The following FIG4 variants were observed in gnomAD, a reference collection of about 807,000 sequenced individuals.
FIG4 encodes polyphosphoinositide phosphatase.
FIG4 carries 112 observed loss-of-function variants against 118.6 expected under a neutral mutation model. That is an observed-to-expected ratio of 0.94 (90% confidence interval 0.81 to 1.11). The LOEUF (loss-of-function observed/expected upper bound fraction) is 1.11. Ranked by LOEUF, FIG4 falls within the 50% of genes least tolerant of loss-of-function variation. FIG4 has a pLI of 0.00. For missense variants in FIG4, 969 were observed against 1,111.7 expected, an observed-to-expected ratio of 0.87 and a Z score of 1.83; for synonymous variants, 369 against 381.2, an observed-to-expected ratio of 0.97 and a Z score of 0.37.
intron 13 of FIG4, among the ~76,000 whole-genome samples, chr6:109,764,479 A>G (rs938169576): frequency 9.9e-5 from 15 of 151,970 alleles, no homozygotes; most frequent in Non-Finnish European, 2.1e-4. Flanking sequence ...AGCTGAAATA[A>G]TATGTCCTAT....
chr6:109,811,758 A>T (rs991301595), intron 22 of FIG4, among the ~76,000 whole-genome samples: 1 of 152,228 alleles, frequency 6.6e-6, no homozygotes, highest in Non-Finnish European at 1.5e-5. Context: ...GGTACAGGTC[A>T]GGAGCTGTTT....
Position 109,760,244 on chromosome 6 carries a change from A to G in FIG4, c.1138-6A>G, listed in dbSNP as rs774262839. 6.8e-6 allele frequency: 11 copies of G among 1,612,438 alleles called. No homozygotes were observed. The highest frequency in any genetic ancestry group is 2.2e-5 in the East Asian group (1 of 44,854). Reference sequence around the variant, plus strand: ...GAACACTGAAAATGTTTAATTTTTGATAAAGGAACGAGAGAAAAGAAAGCA... The same window carrying G: ...GAACACTGAAAATGTTTAATTTTTGGTAAAGGAACGAGAGAAAAGAAAGCA... On this transcript the variant is annotated splice_region_variant and splice_polypyrimidine_tract_variant and intron_variant, in intron 10 of 22. Coordinates refer to ENST00000230124, the MANE Select transcript of FIG4 (RefSeq NM_014845.6).
chr6:109,789,222 C>A (rs528089398), intron 18 of FIG4, among the ~76,000 whole-genome samples: 1 of 152,332 alleles, frequency 6.6e-6, no homozygotes, highest in Admixed American at 6.5e-5. Context: ...TGGTATACAT[C>A]TTAGCAGAAG....
At chr6:109,739,697 G>C (rs1776266572) in intron 7 of FIG4, among the ~76,000 whole-genome samples, 1 of 152,060 alleles carries the variant, frequency 6.6e-6, no homozygotes, top group Non-Finnish European at 1.5e-5. Context: ...GGCCAGCCCT[G>C]GCCCCCCTTG....
At chr6:109,786,221 C>G in intron 17 of FIG4, 81 bp from the exon 18 acceptor site, 1 of 1,285,668 alleles carries the variant, frequency 7.8e-7, no homozygotes, top group Non-Finnish European at 1.1e-6. Context: ...ACAGTGCTGT[C>G]TGTGAACACA....
At chr6:109,791,758 G>A (rs191365503) in intron 20 of FIG4, among the ~76,000 whole-genome samples, 187 bp downstream of exon 20, 1 of 152,294 alleles carries the variant, frequency 6.6e-6, no homozygotes, top group East Asian at 1.9e-4. Flanking sequence ...AATAAAATTG[G>A]TGTTTTTGCT....
At chr6:109,753,658 C>G (rs1468199788) in intron 10 of FIG4, among the ~76,000 whole-genome samples, 1 of 152,084 alleles carries the variant, frequency 6.6e-6, no homozygotes, top group Non-Finnish European at 1.5e-5. Context: ...AGGTCCTTCA[C>G]ATCCCTTGTA....
At chr6:109,760,752 T>C (rs910972057) in intron 11 of FIG4, among the ~76,000 whole-genome samples, 2 of 152,134 alleles carry the variant, frequency 1.3e-5, no homozygotes, top group African/African-American at 4.8e-5. Flanking sequence ...CCAAACTCCT[T>C]AGTGTAATGT....
chr6:109,746,744 T>G (rs1012878933), intron 10 of FIG4, among the ~76,000 whole-genome samples: 2 of 152,156 alleles, frequency 1.3e-5, no homozygotes, highest in African/African-American at 4.8e-5. Flanking sequence ...TTGAAAAGAT[T>G]ACTGTGACCT....
intron 5 of FIG4, among the ~76,000 whole-genome samples, chr6:109,734,788 G>T (rs1776112065): frequency 6.6e-6 from 1 of 152,034 alleles, no homozygotes; most frequent in South Asian, 2.1e-4. Context: ...GGATGTTATA[G>T]ATCTATAAAA....
chr6:109,791,527 C>G lies in FIG4; in HGVS notation c.2332C>G (p.Pro778Ala). 1 of 1,614,008 alleles carries G rather than the reference C, an allele frequency of 6.2e-7. No homozygotes were observed. Among genetic ancestry groups the G allele is most frequent in the Non-Finnish European group, 8.5e-7 (1 of 1,180,010 alleles). The change falls in exon 20 of 23, where the codon CCC becomes GCC. Residue 778 changes from proline to alanine, a missense_variant. This residue lies in a region of FIG4 where 330 missense variants were observed against 348.1 expected (regional missense o/e 0.95). Transcript: ENST00000230124. ...GGGCTCTGTGTCTCAGCGCTCCACT[C>G]CCGTGAAGATGACTGATGCAGGAGA... is the stretch of plus-strand genomic sequence containing the variant. ...EEGSVSQRST[P>A]VKMTDAGDSA...
chr6:109,712,865 T>C (rs1775307446), intron 1 of FIG4, among the ~76,000 whole-genome samples: 1 of 152,250 alleles, frequency 6.6e-6, no homozygotes, highest in Non-Finnish European at 1.5e-5. Context: ...TGTGGGCTAA[T>C]GTTTCTTCAA....
chr6:109,722,509 A>G (rs185711396), intron 3 of FIG4, among the ~76,000 whole-genome samples: 1 of 152,260 alleles, frequency 6.6e-6, no homozygotes, highest in African/African-American at 2.4e-5. Flanking sequence ...TATAGACTAT[A>G]ACACTCTGAG....
At chr6:109,717,398 C>T (rs1241725110) in intron 3 of FIG4, among the ~76,000 whole-genome samples, 4 of 152,164 alleles carry the variant, frequency 2.6e-5, no homozygotes, top group Non-Finnish European at 5.9e-5. Context: ...GCAAGATGCT[C>T]CATGGTTTCT....
chr6:109,759,054 T>C (rs1417748999), intron 10 of FIG4, among the ~76,000 whole-genome samples: 2 of 152,154 alleles, frequency 1.3e-5, no homozygotes, highest in Admixed American at 6.6e-5. Context: ...TCCTCAAGGA[T>C]CTAGAACCAG....
At chr6:109,779,555 T>A (rs186002279) in intron 16 of FIG4, among the ~76,000 whole-genome samples, 7 of 152,316 alleles carry the variant, frequency 4.6e-5, no homozygotes, top group African/African-American at 1.2e-4. Flanking sequence ...ACTCAGTTGA[T>A]TTAGGTCTCC....
intron 10 of FIG4, among the ~76,000 whole-genome samples, chr6:109,756,187 T>C (rs571029919): frequency 1.3e-5 from 2 of 149,628 alleles, no homozygotes; most frequent in South Asian, 2.1e-4. Context: ...ATTTCTCCTT[T>C]ACTTATGAAG....
chr6:109,715,354 G>T (rs1010450788), intron 2 of FIG4, among the ~76,000 whole-genome samples, 178 bp downstream of exon 2: 1 of 152,164 alleles, frequency 6.6e-6, no homozygotes, highest in African/African-American at 2.4e-5. Flanking sequence ...AATCACTGGT[G>T]TCAAGAAGTA....
At chr6:109,765,258 T>A in intron 14 of FIG4, 97 bp downstream of exon 14, 4 of 939,890 alleles carry the variant, frequency 4.3e-6, no homozygotes, top group Non-Finnish European at 6.8e-6. Flanking sequence ...TACTTTTAGC[T>A]TCTCAAAAAT....
Sources: gnomAD v4.1 joint callset for allele counts (sites outside exome capture counted in the v4.1 genomes callset) on GRCh38, gnomAD v4.1.1 for gene constraint, gnomAD v4.1.1 regional missense constraint, MANE v1.5 for transcripts, NCBI Gene and HGNC (gene_info 2026-07-23, HGNC 2026-07-21) for gene names.